The following NUP133 variants were observed in gnomAD, a reference collection of about 807,000 sequenced individuals.
NUP133 encodes the protein nuclear pore complex protein Nup133.
NUP133 carries 66 observed loss-of-function variants against 146.2 expected under a neutral mutation model. That is an observed-to-expected ratio of 0.45 (90% confidence interval 0.37 to 0.55). NUP133 has a LOEUF of 0.55. NUP133 is among the 20% of genes least tolerant of loss of function. The probability of loss-of-function intolerance (pLI) is 0.00; values close to 1 mark genes in which losing one functional copy is unlikely to be tolerated. For missense variants in NUP133, 1,277 were observed against 1,374.8 expected (o/e 0.93, Z 1.12); for synonymous variants, 521 against 498.8 (o/e 1.04, Z -0.59).
chr1:229,442,831 C>T (rs958193437), intron 25 of NUP133, among the ~76,000 whole-genome samples: 14 of 151,490 alleles, frequency 9.2e-5, no homozygotes, highest in East Asian at 1.9e-4. Flanking sequence ...TCAGCCACCC[C>T]GGTAACTAGG....
Position 229,444,912 on chromosome 1 carries a change from A to G in NUP133, c.3334+2T>C. 1 of 1,586,114 alleles carries G rather than the reference A, an allele frequency of 6.3e-7. No homozygotes were observed. The highest frequency in any genetic ancestry group is 8.6e-7 in the Non-Finnish European group (1 of 1,157,446). ...CCAACGGTATAGTAACAAACCACTT[A>G]CCATCTTTTAAAAGTTTCTGTAAGA... On this transcript the variant is annotated splice_donor_variant, in intron 25 of 25. Coordinates refer to ENST00000261396, the MANE Select transcript of NUP133 (RefSeq NM_018230.3). LOFTEE classifies it high-confidence loss of function.
intron 10 of NUP133, 71 bp downstream of exon 10, chr1:229,487,395 G>C: frequency 7.0e-7 from 1 of 1,434,478 alleles, no homozygotes; most frequent in South Asian, 1.2e-5. Context: ...TGACATTCAG[G>C]GAAAGAGAAA....
chr1:229,479,049 G>A (rs1661145365), intron 12 of NUP133, among the ~76,000 whole-genome samples: 1 of 152,178 alleles, frequency 6.6e-6, no homozygotes, highest in Non-Finnish European at 1.5e-5. Flanking sequence ...GTCAACTGCA[G>A]TCTGAAAACA....
intron 13 of NUP133, among the ~76,000 whole-genome samples, chr1:229,476,808 C>T (rs1366901828): frequency 6.6e-6 from 1 of 151,802 alleles, no homozygotes; most frequent in African/African-American, 2.4e-5. Context: ...CCTGTAATCT[C>T]AGCTACTCAG....
At chr1:229,449,217 G>C (rs777038828) in intron 23 of NUP133, 27 bp from the exon 24 acceptor site, 1 of 1,484,838 alleles carries the variant, frequency 6.7e-7, no homozygotes, top group Admixed American at 1.8e-5. Flanking sequence ...AAAAAATCCT[G>C]ATTAAATCCT....
intron 21 of NUP133, among the ~76,000 whole-genome samples, chr1:229,456,879 G>A (rs955053276): frequency 6.6e-6 from 1 of 150,398 alleles, no homozygotes. Context: ...CCCAGCTGGA[G>A]GGCAGTGGCA....
intron 24 of NUP133, among the ~76,000 whole-genome samples, chr1:229,446,186 C>G (rs147964415): frequency 1.3e-5 from 2 of 152,134 alleles, no homozygotes; most frequent in Non-Finnish European, 2.9e-5. Context: ...GCAGACAGAT[C>G]ACCTGAGGTT....
At chr1:229,457,147 G>A (rs559295545) in intron 21 of NUP133, among the ~76,000 whole-genome samples, 68 of 151,936 alleles carry the variant, frequency 4.5e-4, no homozygotes, top group Admixed American at 3.2e-3. Context: ...TTTAATTGAC[G>A]CATAATAATT....
chr1:229,474,591 G>A (rs1489337194), intron 14 of NUP133, among the ~76,000 whole-genome samples: 1 of 152,070 alleles, frequency 6.6e-6, no homozygotes, highest in Admixed American at 6.5e-5. Flanking sequence ...TGTCCACAGT[G>A]GCTATTTAAG....
At chr1:229,457,626 AT>A (rs1232006028) in intron 21 of NUP133, among the ~76,000 whole-genome samples, 7 of 151,950 alleles carry the variant, frequency 4.6e-5, no homozygotes, top group African/African-American at 1.2e-4. Context: ...TGTTGTTTTA[AT>A]TTTTTTGTTA....
Position 229,449,186 on chromosome 1 carries a change from T to C in NUP133, c.3185A>G (p.Glu1062Gly). The C allele has an allele frequency of 6.2e-7, 1 of 1,604,792 alleles. No individual in the cohort carries two copies. Among genetic ancestry groups the C allele is most frequent in the Non-Finnish European group, 8.5e-7 (1 of 1,174,212 alleles). The change falls in exon 24 of 26, where the codon GAA becomes GGA. Residue 1062 changes from glutamate (E) to glycine (G), a missense_variant. By Grantham distance (98) the Glu-to-Gly change is moderately conservative. Around this residue, in one of 3 missense-constraint regions of NUP133, gnomAD observed 952 missense variants for 1,047.0 expected, o/e 0.91. Coordinates refer to ENST00000261396, the MANE Select transcript of NUP133 (RefSeq NM_018230.3). ...LDLLEYIDEE[E>G]DININDLKLE... The stretch of plus-strand genomic sequence containing the variant: ...TTTTAGATCATTTATATTTATATCT[T>C]CTTCCTTCACAGCAAAACAAAAAAA...
intron 21 of NUP133, among the ~76,000 whole-genome samples, chr1:229,457,274 C>T (rs1660591218): frequency 6.6e-6 from 1 of 152,114 alleles, no homozygotes; most frequent in African/African-American, 2.4e-5. Context: ...TTTTAAAAAT[C>T]AGATTCTATC....
intron 8 of NUP133, among the ~76,000 whole-genome samples, chr1:229,491,209 T>C (rs141794374): frequency 1.1e-3 from 174 of 152,252 alleles, no homozygotes; most frequent in Middle Eastern, 3.4e-3. Flanking sequence ...ATTGGTGAAA[T>C]AGAGTAGTTG....
rs747300661 is a variant in NUP133 at position 229,508,258 on chromosome 1, G to C, written c.-9C>G. ...GGGGCGGCTGGGAACATGACTCCAA[G>C]GAGCAGCGACTAGGACAGCGAGGGA... is the stretch of plus-strand genomic sequence containing the variant. On this transcript the variant is annotated 5_prime_UTR_variant, in exon 1 of 26. Transcript: ENST00000261396. The C allele has an allele frequency of 5.3e-6, 8 of 1,496,728 alleles. No individual in the cohort carries two copies. The highest frequency in any genetic ancestry group is 1.4e-5 in the African/African-American group (1 of 69,808). The allele number at this position is 1,496,728 out of a possible 1,614,324, so 92.7% of individuals were successfully genotyped here. A position where few individuals can be genotyped will look rare whatever the true frequency, so the allele number is the denominator to read the frequency against.
intron 1 of NUP133, among the ~76,000 whole-genome samples, chr1:229,506,736 G>T (rs932571264): frequency 6.7e-6 from 1 of 148,202 alleles, no homozygotes; most frequent in Non-Finnish European, 1.5e-5. Context: ...GCAAGACCTT[G>T]TCTCTACAAA....
rs765777721 is a variant in NUP133 at position 229,477,636 on chromosome 1, G to A, written c.1717C>T (p.Pro573Ser). ...TCAGCCCACCGTGGGTCAGATGCTGGGTAGTCATCCATCAGGTCTACACTG... is the reference window on the plus strand; with the variant it reads ...TCAGCCCACCGTGGGTCAGATGCTGAGTAGTCATCCATCAGGTCTACACTG... ...QISVDLMDDY[P>S]ASDPRWAESV... The change falls in exon 13 of 26, where the codon CCA becomes TCA. Residue 573 changes from proline (P) to serine (S), a missense_variant. Around this residue, in one of 3 missense-constraint regions of NUP133, gnomAD observed 952 missense variants for 1,047.0 expected, o/e 0.91. Coordinates refer to ENST00000261396, the MANE Select transcript of NUP133 (RefSeq NM_018230.3). 33 of 1,613,634 alleles carry A rather than the reference G, an allele frequency of 2.0e-5. No homozygotes were observed. In the South Asian group the frequency reaches 3.6e-4, roughly 18 times the overall value.
At chr1:229,451,283 C>T (rs951091793) in intron 22 of NUP133, among the ~76,000 whole-genome samples, 1 of 151,874 alleles carries the variant, frequency 6.6e-6, no homozygotes, top group African/African-American at 2.4e-5. Context: ...CCTGTGGTCC[C>T]AGCTACTCCA....
intron 24 of NUP133, among the ~76,000 whole-genome samples, chr1:229,445,656 A>C (rs1660286517): frequency 6.6e-6 from 1 of 152,216 alleles, no homozygotes; most frequent in Admixed American, 6.5e-5. Flanking sequence ...ATCTACTACT[A>C]AAATAAAAAT....
intron 22 of NUP133, among the ~76,000 whole-genome samples, chr1:229,451,311 G>T (rs1299205013): frequency 3.9e-5 from 6 of 151,942 alleles, no homozygotes; most frequent in Admixed American, 1.3e-4. Context: ...AGGTAGGAGG[G>T]TCACCTGAGC....
Sources: allele counts gnomAD v4.1 joint callset (sites outside exome capture counted in the v4.1 genomes callset), GRCh38; gene constraint gnomAD v4.1.1; regional missense constraint gnomAD v4.1.1; transcripts MANE v1.5; gene names NCBI Gene and HGNC (gene_info 2026-07-23, HGNC 2026-07-21).